MTFMT: variants seen among roughly 807,000 people sequenced by gnomAD.
The protein encoded by MTFMT is mitochondrial methionyl-tRNA formyltransferase, also known as methionyl-tRNA formyltransferase, mitochondrial.
A neutral mutation model predicts 51.8 loss-of-function variants in MTFMT; 47 were observed. The ratio of observed to expected loss-of-function variants is 0.91; its 90% CI spans 0.72 to 1.16. The LOEUF (loss-of-function observed/expected upper bound fraction) is 1.16. Among genes scored for constraint, MTFMT ranks in the 50% most tolerant of loss-of-function variants. The pLI is 0.00. For missense variants in MTFMT, 512 were observed against 482.3 expected (o/e 1.06, Z -0.58); for synonymous variants, 196 against 176.7 (o/e 1.11, Z -0.87).
intron 4 of MTFMT, 50 bp downstream of exon 4, chr15:65,021,464 A>C (rs758629182): frequency 2.2e-6 from 3 of 1,353,852 alleles, no homozygotes; most frequent in Admixed American, 1.7e-5. Flanking sequence ...ATAACCACTT[A>C]GGAAACCCAC....
intron 1 of MTFMT, among the ~76,000 whole-genome samples, chr15:65,029,088 G>C (rs1054579940): frequency 1.3e-5 from 2 of 152,182 alleles, no homozygotes; most frequent in African/African-American, 4.8e-5. Context: ...AAACGGGCAG[G>C]GAGGCCGTGG....
intron 5 of MTFMT, among the ~76,000 whole-genome samples, chr15:65,017,615 T>C (rs928680762): frequency 8.5e-5 from 13 of 152,116 alleles, no homozygotes; most frequent in African/African-American, 2.7e-4. Context: ...CTGAGCAACA[T>C]AGTTAGAACT....
At chr15:65,014,066 T>C (rs545758502) in intron 6 of MTFMT, among the ~76,000 whole-genome samples, 12 of 152,322 alleles carry the variant, frequency 7.9e-5, no homozygotes, top group African/African-American at 2.9e-4. Context: ...CTTGTGCATC[T>C]ATATTCAGGG....
chr15:65,029,207 C>G (rs1403995135), intron 1 of MTFMT, 198 bp downstream of exon 1: 5 of 928,254 alleles, frequency 5.4e-6, no homozygotes, highest in Non-Finnish European at 6.4e-6. Context: ...GGGCGCAGAC[C>G]GCAGGTACTA....
chr15:65,018,710 AAG>A (rs1437078459), intron 5 of MTFMT, among the ~76,000 whole-genome samples: 8 of 152,216 alleles, frequency 5.3e-5, no homozygotes, highest in Non-Finnish European at 8.8e-5. Context: ...GTGGGAAGTG[AAG>A]AGTGTTAACA....
intron 8 of MTFMT, among the ~76,000 whole-genome samples, chr15:65,003,834 C>CAATAAGAGCGA: frequency 2.5e-5 from 1 of 40,582 alleles, no homozygotes; most frequent in South Asian, 1.3e-3. Context: ...CCAGCCTGGG[C>CAATAAGAGCGA]AACTCCATCT....
intron 5 of MTFMT, among the ~76,000 whole-genome samples, chr15:65,018,554 T>C (rs985809189): frequency 1.3e-5 from 2 of 152,196 alleles, no homozygotes; most frequent in Non-Finnish European, 2.9e-5. Flanking sequence ...CATACATTGT[T>C]GTACCAGATG....
At chr15:65,029,112 G>A (rs1194053786) in intron 1 of MTFMT, 3 of 237,134 alleles carry the variant, frequency 1.3e-5, no homozygotes, top group Non-Finnish European at 2.1e-5. Context: ...TGGCCCGGGG[G>A]ATGCAGGCAG....
chr15:65,020,900 A>T (rs751691806), intron 4 of MTFMT, among the ~76,000 whole-genome samples: 12 of 152,216 alleles, frequency 7.9e-5, no homozygotes, highest in Non-Finnish European at 1.8e-4. Context: ...CTATTATAAG[A>T]TCATTTGTGA....
At chr15:65,011,485 CTTTTTTTTTTTT>C (rs536213292) in intron 6 of MTFMT, among the ~76,000 whole-genome samples, 2 of 74,072 alleles carry the variant, frequency 2.7e-5, no homozygotes, top group Non-Finnish European at 4.5e-5. Flanking sequence ...TGTAAGCTGT[CTTTTTTTTTTTT>C]TTTTTTTTTT....
intron 6 of MTFMT, among the ~76,000 whole-genome samples, chr15:65,009,726 T>A (rs2086247992): frequency 6.6e-6 from 1 of 151,792 alleles, no homozygotes; most frequent in Non-Finnish European, 1.5e-5. Context: ...GAATCACAGC[T>A]CACTGCAGCC....
Position 65,020,454 on chromosome 15 carries a change from A to G in MTFMT, c.646-182T>C, listed in dbSNP as rs79721848. Reference sequence around the variant, plus strand: ...CTGAACCTATAACTTTAAAAGATCTATGTGGCAGGGTAAGGTAGTACATTG... The same window carrying G: ...CTGAACCTATAACTTTAAAAGATCTGTGTGGCAGGGTAAGGTAGTACATTG... On this transcript the variant is annotated intron_variant, in intron 4 of 8. Coordinates refer to ENST00000220058, the MANE Select transcript of MTFMT (RefSeq NM_139242.4). Among the ~76,000 whole-genome samples, 6,283 of 152,206 alleles carry G rather than the reference A, an allele frequency of 0.041. 326 individuals carry two copies. Among genetic ancestry groups the G allele is most frequent in the African/African-American group, 0.11 (4,718 of 41,504 alleles).
rs768344334 is a variant in MTFMT, at chr15:65,003,241, C to A, written c.991G>T (p.Val331Phe). 1.2e-6 allele frequency: 2 copies of A among 1,612,842 alleles called. No individual in the cohort carries two copies. The highest frequency in any genetic ancestry group is 1.7e-6 in the Non-Finnish European group (2 of 1,179,284). Residue 331 changes from valine (V) to phenylalanine (F), a missense_variant, in exon 9 of 9, where the codon GTT becomes TTT. Physicochemically the swap from Val to Phe is conservative, Grantham distance 50 (BLOSUM62 -1). Transcript: ENST00000220058. ...LVYCKDGWIG[V>F]RSVMLKKSLT... ...GATTTCTTGAGCATCACTGATCGAA[C>A]ACCAATCCAACCATCCTAAAGGGCA...
chr15:65,029,292 G>T, intron 1 of MTFMT, 113 bp downstream of exon 1: 2 of 1,325,478 alleles, frequency 1.5e-6, no homozygotes, highest in Admixed American at 4.1e-5. Context: ...GGCCCACACC[G>T]CTCTGCCGCC....
In MTFMT at chr15:65,029,486, C is replaced by A. The variant is rs1191459659; in HGVS notation, c.128G>T (p.Arg43Leu). The change falls in exon 1 of 9, where the codon CGC becomes CTC. Residue 43 changes from arginine to leucine, a missense_variant. By Grantham distance (102) the Arg-to-Leu change is moderately radical. Transcript: ENST00000220058. ...GWEDCRDSRV[R>L]EKPPWRVLFF... ...GAGCACCCGCCAGGGAGGCTTCTCG[C>A]GGACTCTGGAGTCCCGGCAGTCCTC... The A allele has an allele frequency of 1.3e-6, 2 of 1,533,810 alleles. No homozygotes were observed. The highest frequency in any genetic ancestry group is 8.8e-7 in the Non-Finnish European group (1 of 1,141,880).
intron 6 of MTFMT, among the ~76,000 whole-genome samples, chr15:65,014,569 G>A (rs192529056): frequency 9.6e-4 from 142 of 148,394 alleles, no homozygotes; most frequent in African/African-American, 3.4e-3. Flanking sequence ...CAGGTGATCC[G>A]CCCGCCTCGG....
intron 5 of MTFMT, among the ~76,000 whole-genome samples, chr15:65,017,515 A>G (rs539848221): frequency 6.6e-6 from 1 of 152,340 alleles, no homozygotes; most frequent in African/African-American, 2.4e-5. Context: ...GCTGAGAACT[A>G]TGCCACCATA....
intron 2 of MTFMT, 139 bp downstream of exon 2, chr15:65,026,692 T>C: frequency 2.7e-6 from 2 of 738,962 alleles, no homozygotes; most frequent in Non-Finnish European, 4.3e-6. Context: ...AGCAAACATG[T>C]ACAGAAAAAT....
chr15:65,014,144 G>A (rs1409979471), intron 6 of MTFMT, among the ~76,000 whole-genome samples: 1 of 151,952 alleles, frequency 6.6e-6, no homozygotes, highest in Non-Finnish European at 1.5e-5. Context: ...TGTACTAGCT[G>A]TTCCTCTGCC....
Sources: allele counts gnomAD v4.1 joint callset (sites outside exome capture counted in the v4.1 genomes callset), GRCh38; gene constraint gnomAD v4.1.1; transcripts MANE v1.5; gene names NCBI Gene and HGNC (gene_info 2026-07-23, HGNC 2026-07-21).